AFAP1: variants seen among roughly 807,000 people sequenced by gnomAD.
AFAP1 encodes actin filament associated protein 1, also known as actin filament-associated protein 1.
In AFAP1, 75 loss-of-function variants were observed where a neutral mutation model predicts 93.9. That is an observed-to-expected ratio of 0.80 (90% CI 0.66 to 0.97). AFAP1 has a LOEUF of 0.97. Among genes scored for constraint, AFAP1 ranks in the 50% least tolerant of loss-of-function variants. The pLI is 0.00. For synonymous variants in AFAP1, 517 were observed against 430.7 expected, an observed-to-expected ratio of 1.20 and a Z score of -2.48; for missense variants, 1,201 against 1,050.8, an observed-to-expected ratio of 1.14 and a Z score of -1.98.
chr4:7,847,366 T>TA (rs913271222), intron 4 of AFAP1, among the ~76,000 whole-genome samples: 3 of 129,010 alleles, frequency 2.3e-5, no homozygotes, highest in Non-Finnish European at 1.6e-5. Flanking sequence ...GCAGTGTCCC[T>TA]AATCAAGAGA....
chr4:7,774,659 G>A, intron 15 of AFAP1, 80 bp downstream of exon 15: 1 of 1,535,604 alleles, frequency 6.5e-7, no homozygotes, highest in Non-Finnish European at 8.8e-7. Context: ...TGAGCAATAG[G>A]TCCTTTGGGC....
rs558071666 is a variant in AFAP1, at chr4:7,778,942, T to C, written c.1783-66A>G. ...AAGTCAAACAAATCTTGGTCTTTTT[T>C]TTTTCTGGAGTCATTTCTTTCAGTC... On this transcript the variant is annotated intron_variant, in intron 13 of 17. Transcript: ENST00000420658. 10 of 1,248,436 alleles carry C rather than the reference T, an allele frequency of 8.0e-6. No homozygotes were observed. In the South Asian group the frequency reaches 1.3e-4, roughly 16 times the overall value. The allele number at this position is 1,248,436 out of a possible 1,614,324, so 77.3% of individuals were successfully genotyped here.
At chr4:7,873,243 A>C (rs1717211629) in intron 1 of AFAP1, among the ~76,000 whole-genome samples, 1 of 35,764 alleles carries the variant, frequency 2.8e-5, no homozygotes, top group Non-Finnish European at 1.0e-4. Context: ...ACTCTGTCTC[A>C]AAAAAAAAAA....
chr4:7,901,726 G>A lies in AFAP1; in HGVS notation c.-2-29646C>T, dbSNP rs114313365. Among the ~76,000 whole-genome samples the A allele has an allele frequency of 6.4e-3, 968 of 152,358 alleles. 7 individuals are homozygous for A. The highest frequency in any genetic ancestry group is 0.021 in the African/African-American group (859 of 41,578). On this transcript the variant is annotated intron_variant, in intron 1 of 17. Transcript: ENST00000420658. ...TTTATGAAGATGTGGACAGGGGGCT[G>A]AACTGGATGCATGAGAACATTCCTC...
rs373480212 is a variant in AFAP1 at position 7,778,790 on chromosome 4, G to A, written c.1869C>T (p.Pro623=). The change falls in exon 14 of 18, where the codon CCC becomes CCT. Residue 623 remains proline, a synonymous_variant. Coordinates refer to ENST00000420658, the MANE Select transcript of AFAP1 (RefSeq NM_001134647.2). ...TLSSQPKKAD[P]AAVVKRTGSN... is the part of the protein sequence containing the mutation. ...AACCCGTCCTTTTCACAACAGCCGC[G>A]GGATCCGCTTTCTTTGGCTGACTGC... The A allele has an allele frequency of 4.5e-5, 72 of 1,614,036 alleles. No homozygotes were observed. Among genetic ancestry groups the A allele is most frequent in the Non-Finnish European group, 5.3e-5 (63 of 1,180,030 alleles).
chr4:7,874,530 ATTTTTTTTTTTTTTTTTT>A (rs71175435), intron 1 of AFAP1, among the ~76,000 whole-genome samples: 4 of 51,498 alleles, frequency 7.8e-5, no homozygotes, highest in Admixed American at 3.0e-4. Context: ...TGCCCAGCTA[ATTTTTTTTTTTTTTTTTT>A]TTTTTTTTTT....
At chr4:7,901,223 G>C (rs1719096684) in intron 1 of AFAP1, among the ~76,000 whole-genome samples, 1 of 152,204 alleles carries the variant, frequency 6.6e-6, no homozygotes, top group African/African-American at 2.4e-5. Context: ...TGCGTGCCTA[G>C]CAGGGAGATG....
At chr4:7,865,813 G>C (rs944720280) in intron 3 of AFAP1, among the ~76,000 whole-genome samples, 8 of 152,368 alleles carry the variant, frequency 5.3e-5, no homozygotes, top group South Asian at 4.1e-4. Context: ...AGCAGCACTA[G>C]AGAAGAGTCC....
At chr4:7,857,422 C>G (rs1458802587) in intron 3 of AFAP1, among the ~76,000 whole-genome samples, 1 of 152,212 alleles carries the variant, frequency 6.6e-6, no homozygotes, top group South Asian at 2.1e-4. Context: ...CCTTCAGGGA[C>G]TTACAGAGAG....
intron 1 of AFAP1, among the ~76,000 whole-genome samples, chr4:7,872,521 G>C (rs1263486331): frequency 6.6e-6 from 1 of 152,252 alleles, no homozygotes; most frequent in African/African-American, 2.4e-5. Context: ...TCCAGCCCAG[G>C]ACAACTGTGA....
chr4:7,923,747 G>C (rs2149239006), intron 1 of AFAP1, among the ~76,000 whole-genome samples: 1 of 152,234 alleles, frequency 6.6e-6, no homozygotes, highest in Admixed American at 6.5e-5. Flanking sequence ...TTACAGGTGT[G>C]AGCCACCGCA....
rs1714940330 is a variant in AFAP1 at position 7,855,461 on chromosome 4, C to T, written c.334+5G>A. The T allele has an allele frequency of 1.9e-6, 3 of 1,589,728 alleles. No homozygotes were observed. Among genetic ancestry groups the T allele is most frequent in the Non-Finnish European group, 2.6e-6 (3 of 1,164,328 alleles). ...CAGCATGGCTGGGCAGGGCTGGCCACTCACTTGATGTGATGTATTCCGGAG... is the reference window on the plus strand; with the variant it reads ...CAGCATGGCTGGGCAGGGCTGGCCATTCACTTGATGTGATGTATTCCGGAG... On this transcript the variant is annotated splice_donor_5th_base_variant and intron_variant, in intron 4 of 17. Transcript: ENST00000420658.
At chr4:7,891,743 T>TG (rs1718485449) in intron 1 of AFAP1, among the ~76,000 whole-genome samples, 1 of 62,802 alleles carries the variant, frequency 1.6e-5, no homozygotes, top group African/African-American at 6.4e-5. Context: ...ATGGTCTCAT[T>TG]AAAAAAAAAA....
intron 1 of AFAP1, among the ~76,000 whole-genome samples, chr4:7,889,465 A>G (rs1202846380): frequency 6.7e-6 from 1 of 150,240 alleles, no homozygotes; most frequent in Non-Finnish European, 1.5e-5. Flanking sequence ...AGGCAGGAGA[A>G]TCATTTGAAC....
At chr4:7,863,182 G>A (rs759022894) in intron 3 of AFAP1, among the ~76,000 whole-genome samples, 20 of 152,226 alleles carry the variant, frequency 1.3e-4, no homozygotes, top group Admixed American at 6.5e-5. Flanking sequence ...TTAGGAGGCC[G>A]GGGTGTGTGG....
chr4:7,790,863 C>T (rs1717803577), intron 11 of AFAP1, among the ~76,000 whole-genome samples: 1 of 152,172 alleles, frequency 6.6e-6, no homozygotes, highest in South Asian at 2.1e-4. Flanking sequence ...TAGAAAACCT[C>T]CAGTATTACT....
intron 1 of AFAP1, among the ~76,000 whole-genome samples, chr4:7,923,330 C>T (rs975815910): frequency 1.3e-5 from 2 of 152,170 alleles, no homozygotes; most frequent in South Asian, 2.1e-4. Flanking sequence ...GTGGCTTAAA[C>T]GTTAGTTTAT....
intron 1 of AFAP1, among the ~76,000 whole-genome samples, chr4:7,874,030 A>G (rs968782542): frequency 6.6e-6 from 1 of 152,206 alleles, no homozygotes; most frequent in African/African-American, 2.4e-5. Flanking sequence ...TTTTCTACTG[A>G]GATCAGCAGT....
intron 9 of AFAP1, among the ~76,000 whole-genome samples, chr4:7,805,445 C>T (rs981236205): frequency 2.0e-5 from 3 of 152,084 alleles, no homozygotes; most frequent in African/African-American, 7.2e-5. Flanking sequence ...ATTTACTGTG[C>T]CTTGGATAGG....
Sources: allele counts gnomAD v4.1 joint callset (sites outside exome capture counted in the v4.1 genomes callset), GRCh38; gene constraint gnomAD v4.1.1; transcripts MANE v1.5; gene names NCBI Gene and HGNC (gene_info 2026-07-23, HGNC 2026-07-21).